Variants in BPTF observed in about 807,000 individuals in gnomAD.
BPTF encodes the protein nucleosome-remodeling factor subunit BPTF.
Under a neutral mutation model 292.5 loss-of-function variants are expected in BPTF, and 18 were observed. The observed-to-expected ratio is 0.06, with a 90% CI of 0.04 to 0.09. BPTF has a LOEUF of 0.09. Among genes scored for constraint, BPTF ranks in the 10% least tolerant of loss-of-function variants. BPTF has a pLI of 1.00. For synonymous variants in BPTF, 1,225 were observed against 1,251.9 expected (o/e 0.98, Z 0.45); for missense variants, 2,726 against 3,498.7 (o/e 0.78, Z 5.57).
In BPTF at chr17:67,893,604, A is replaced by C; in HGVS notation, c.2290A>C (p.Lys764Gln). ...KFCLTPAGEF[K>Q]WNGSVHGSKV... ...CTGTCTGACTCCAGCAGGAGAGTTC[A>C]AATGGAACGGTTCTGTCCATGGGTC... is the stretch of plus-strand genomic sequence containing the variant. Residue 764 changes from lysine to glutamine, a missense_variant, in exon 6 of 28, where the codon AAA becomes CAA. Physicochemically the swap from Lys to Gln is moderately conservative, Grantham distance 53. This residue lies in a region of BPTF where 99 missense variants were observed against 227.1 expected (regional missense o/e 0.44). Coordinates refer to ENST00000306378, the MANE Select transcript of BPTF (RefSeq NM_182641.4). 1 of 1,612,190 alleles carries C rather than the reference A, an allele frequency of 6.2e-7. No individual in the cohort carries two copies. The highest frequency in any genetic ancestry group is 8.5e-7 in the Non-Finnish European group (1 of 1,178,262).
intron 19 of BPTF, among the ~76,000 whole-genome samples, chr17:67,942,303 C>T (rs1048994978): frequency 5.5e-4 from 67 of 122,192 alleles, no homozygotes; most frequent in Middle Eastern, 3.7e-3. Context: ...CAACAGACTC[C>T]GTCTCAAAAA....
Position 67,949,678 on chromosome 17 carries a change from CACAG to C in BPTF, c.7926+1376_7926+1379del, listed in dbSNP as rs1489712634. 3.1e-4 allele frequency among the ~76,000 whole-genome samples: 9 copies of C among 28,624 alleles called. No individual in the cohort carries two copies. In the Non-Finnish European group the frequency reaches 0.011, roughly 35 times the overall value. 18.8% of individuals were successfully genotyped at this position (28,624 alleles called of 152,430 possible). A position where few individuals can be genotyped will look rare whatever the true frequency, so the allele number is the denominator to read the frequency against. On this transcript the variant is annotated intron_variant, in intron 23 of 27. Coordinates refer to ENST00000306378, the MANE Select transcript of BPTF (RefSeq NM_182641.4). ...ACACACAGACATATATATATATACA[CACAG>C]ACATACATATATATATACACACATG...
intron 4 of BPTF, among the ~76,000 whole-genome samples, chr17:67,881,506 T>G (rs1196272658): frequency 1.4e-5 from 2 of 144,878 alleles, no homozygotes; most frequent in Non-Finnish European, 3.0e-5. Flanking sequence ...TTTTTTTTTT[T>G]TTTTTTTTTT....
intron 26 of BPTF, chr17:67,973,985 A>G (rs551368062): frequency 3.9e-5 from 6 of 152,134 alleles, no homozygotes; most frequent in South Asian, 2.1e-4. Context: ...ATATTTTTTA[A>G]TGTCTGACAG....
intron 1 of BPTF, among the ~76,000 whole-genome samples, chr17:67,852,280 TTTTTC>T (rs1449113279): frequency 1.4e-4 from 22 of 152,098 alleles, no homozygotes; most frequent in African/African-American, 5.1e-4. Flanking sequence ...CCTGTCCAAT[TTTTTC>T]TTTTAAAATT....
chr17:67,963,903 A>G (rs1205810076), intron 24 of BPTF, among the ~76,000 whole-genome samples: 2 of 152,212 alleles, frequency 1.3e-5, no homozygotes, highest in Non-Finnish European at 2.9e-5. Context: ...TTGAACACCC[A>G]TATGGTACAG....
chr17:67,840,281 T>A (rs1345145683), intron 1 of BPTF, among the ~76,000 whole-genome samples: 1 of 151,940 alleles, frequency 6.6e-6, no homozygotes, highest in Non-Finnish European at 1.5e-5. Context: ...ATTTTTTATT[T>A]TTATTTGTAG....
chr17:67,841,431 A>T (rs990314772), intron 1 of BPTF, among the ~76,000 whole-genome samples: 1 of 152,128 alleles, frequency 6.6e-6, no homozygotes, highest in Non-Finnish European at 1.5e-5. Context: ...TAAAAAATAA[A>T]TACCACTATT....
intron 7 of BPTF, among the ~76,000 whole-genome samples, chr17:67,896,183 CCA>C (rs2061437047): frequency 6.6e-6 from 1 of 151,870 alleles, no homozygotes; most frequent in Non-Finnish European, 1.5e-5. Flanking sequence ...AGGATGGTCT[CCA>C]TCTCCTGACC....
At chr17:67,903,159 G>C (rs535293350) in intron 7 of BPTF, among the ~76,000 whole-genome samples, 1 of 152,206 alleles carries the variant, frequency 6.6e-6, no homozygotes, top group Non-Finnish European at 1.5e-5. Context: ...CTTTCTCTGC[G>C]GATGTAAGAA....
intron 26 of BPTF, chr17:67,974,439 T>TAATTC (rs1319999570): frequency 2.0e-5 from 3 of 152,174 alleles, no homozygotes; most frequent in African/African-American, 7.2e-5. Context: ...GAGTGTCTTC[T>TAATTC]AATTCAATTC....
In BPTF at chr17:67,920,063, A is replaced by T; in HGVS notation, c.5477A>T (p.Asp1826Val). 1 of 1,612,084 alleles carries T rather than the reference A, an allele frequency of 6.2e-7. No homozygotes were observed. Among genetic ancestry groups the T allele is most frequent in the Non-Finnish European group, 8.5e-7 (1 of 1,178,336 alleles). ...ACAACAGAAATAATTAAGAGGAGAGATGTTGGTCCTTATGGCATTCGATCT... is the reference window on the plus strand; with the variant it reads ...ACAACAGAAATAATTAAGAGGAGAGTTGTTGGTCCTTATGGCATTCGATCT... ...ITTTEIIKRR[D>V]VGPYGIRSEY... Residue 1826 changes from aspartate to valine, a missense_variant, in exon 13 of 28, where the codon GAT (aspartate) becomes GTT (valine). Asp to Val is a radical substitution (Grantham distance 152). Transcript: ENST00000306378.
intron 24 of BPTF, 72 bp downstream of exon 24, chr17:67,959,947 T>C: frequency 3.4e-6 from 4 of 1,191,934 alleles, no homozygotes; most frequent in Non-Finnish European, 4.7e-6. Context: ...TTGAAGAAAA[T>C]GAATATTTTG....
At chr17:67,893,208 G>A (rs1323082149) in intron 5 of BPTF, 162 bp from the exon 6 acceptor site, 2 of 617,262 alleles carry the variant, frequency 3.2e-6, no homozygotes, top group African/African-American at 3.7e-5. Flanking sequence ...TAAACAATTA[G>A]CTTTACTTTT....
At chr17:67,938,935 T>C (rs1190372853) in intron 18 of BPTF, among the ~76,000 whole-genome samples, 1 of 152,170 alleles carries the variant, frequency 6.6e-6, no homozygotes, top group Non-Finnish European at 1.5e-5. Context: ...CTGTGGTAAT[T>C]GAGGAAATTT....
chr17:67,921,416 C>T (rs1227766444), intron 13 of BPTF, among the ~76,000 whole-genome samples: 3 of 151,720 alleles, frequency 2.0e-5, no homozygotes, highest in Non-Finnish European at 4.4e-5. Context: ...GTCCCAGCTA[C>T]TTGGGAGGGT....
Position 67,920,139 on chromosome 17 carries a change from A to T in BPTF, c.5553A>T (p.Pro1851=). The stretch of plus-strand genomic sequence containing the variant: ...GTCCCATTGGAGTTCCAGAAACACC[A>T]AAAGGTAAGAAATAGAATTCTATTC... ...IICPIGVPET[P]KETPTPQRKG... The change falls in exon 13 of 28, where the codon CCA becomes CCT. Residue 1851 remains proline, a synonymous_variant. Coordinates refer to ENST00000306378, the MANE Select transcript of BPTF (RefSeq NM_182641.4). 1 of 1,610,240 alleles carries T rather than the reference A, an allele frequency of 6.2e-7. No homozygotes were observed. Among genetic ancestry groups the T allele is most frequent in the Non-Finnish European group, 8.5e-7 (1 of 1,177,490 alleles).
chr17:67,825,549 CCGGAGTGGGGCCCCAGCAATT>C lies in BPTF; in HGVS notation c.-171_-151del. On this transcript the variant is annotated 5_prime_UTR_variant, in exon 1 of 28. Coordinates refer to ENST00000306378, the MANE Select transcript of BPTF (RefSeq NM_182641.4). ...AAACAAGATGGCGGCTGAAGGCGAT[CCGGAGTGGGGCCCCAGCAATT>C]CGGATTGAGCCTTCTCCCTCCACCC... 1 of 428,890 alleles carries C rather than the reference CCGGAGTGGGGCCCCAGCAATT, an allele frequency of 2.3e-6. No individual in the cohort carries two copies. Among genetic ancestry groups the C allele is most frequent in the Non-Finnish European group, 4.5e-6 (1 of 221,398 alleles). 26.6% of individuals were successfully genotyped at this position (428,890 alleles called of 1,614,324 possible).
chr17:67,911,210 C>A lies in BPTF; in HGVS notation c.3326C>A (p.Thr1109Lys). ...AATCTCTCTGAATCACCAGTAATAA[C>A]GAAAGCAAAAGAAGGGTGTCAGAGT... ...SKNLSESPVI[T>K]KAKEGCQSDS... The change falls in exon 11 of 28, where the codon ACG becomes AAG. Residue 1109 changes from threonine to lysine, a missense_variant. By Grantham distance (78) the Thr-to-Lys change is moderately conservative (BLOSUM62 -1). This residue lies in a region of BPTF where 713 missense variants were observed against 714.9 expected (regional missense o/e 1.00). Transcript: ENST00000306378. 1 of 1,613,832 alleles carries A rather than the reference C, an allele frequency of 6.2e-7. No homozygotes were observed.
Sources: gnomAD v4.1 joint callset for allele counts (sites outside exome capture counted in the v4.1 genomes callset) on GRCh38, gnomAD v4.1.1 for gene constraint, gnomAD v4.1.1 regional missense constraint, MANE v1.5 for transcripts, NCBI Gene and HGNC (gene_info 2026-07-23, HGNC 2026-07-21) for gene names.